The following TLE2 variants were observed in gnomAD, a reference collection of about 807,000 sequenced individuals.
TLE2 encodes TLE family member 2, transcriptional corepressor.
Under a neutral mutation model 97.2 loss-of-function variants are expected in TLE2, and 74 were observed. That is an observed-to-expected ratio of 0.76 (90% CI 0.63 to 0.92). The LOEUF is 0.92. Among genes scored for constraint, TLE2 ranks in the 40% least tolerant of loss-of-function variants. The probability of loss-of-function intolerance (pLI) is 0.00; values close to 1 mark genes in which losing one functional copy is unlikely to be tolerated. For missense variants in TLE2, 1,038 were observed against 1,008.7 expected (o/e 1.03, Z -0.39); for synonymous variants, 499 against 432.1 (o/e 1.15, Z -1.92).
At chr19:3,041,518 C>T (rs1356587894) in intron 1 of TLE2, among the ~76,000 whole-genome samples, 1 of 152,170 alleles carries the variant, frequency 6.6e-6, no homozygotes, top group Non-Finnish European at 1.5e-5. Context: ...TCAAACCCTC[C>T]TCGGCTCAAA....
In TLE2 at chr19:3,025,066, C is replaced by T. The variant is rs1212704038; in HGVS notation, c.248G>A (p.Arg83His). The T allele has an allele frequency of 2.4e-5, 38 of 1,604,918 alleles. No individual in the cohort carries two copies. The highest frequency in any genetic ancestry group is 4.0e-5 in the African/African-American group (3 of 74,746). The change falls in exon 5 of 20, where the codon CGT becomes CAT. Residue 83 changes from arginine to histidine, a missense_variant. Transcript: ENST00000262953. ...AATCTGAGCGCAGATACCGCTCAGACGCTTCACAATCTCCGCCTGGCAGGA... is the reference window on the plus strand; with the variant it reads ...AATCTGAGCGCAGATACCGCTCAGATGCTTCACAATCTCCGCCTGGCAGGA... ...EMHKQAEIVKRLSGICAQIIP... is the reference protein window; with the variant it reads ...EMHKQAEIVKHLSGICAQIIP...
At chr19:3,021,194 C>T (rs2145187281) in intron 5 of TLE2, among the ~76,000 whole-genome samples, 1 of 146,714 alleles carries the variant, frequency 6.8e-6, no homozygotes, top group South Asian at 2.2e-4. Flanking sequence ...ATCACGAGAT[C>T]AGGAGTTCGA....
chr19:3,024,509 C>T (rs537096646), intron 5 of TLE2, among the ~76,000 whole-genome samples: 7 of 151,574 alleles, frequency 4.6e-5, no homozygotes, highest in South Asian at 4.2e-4. Flanking sequence ...GTGAACCTGA[C>T]GACCCTGGGA....
chr19:3,045,820 T>A (rs1385209401), upstream of TLE2: 1 of 383,472 alleles, frequency 2.6e-6, no homozygotes, highest in Non-Finnish European at 5.4e-6. Flanking sequence ...AGAGTGAAAC[T>A]CTGTCTCAAA....
At chr19:3,000,128 G>C (rs1358652521) in intron 19 of TLE2, among the ~76,000 whole-genome samples, 1 of 151,370 alleles carries the variant, frequency 6.6e-6, no homozygotes, top group Non-Finnish European at 1.5e-5. Context: ...CTGGAGTGCA[G>C]TGGTGCGATC....
intron 1 of TLE2, among the ~76,000 whole-genome samples, chr19:3,036,216 C>T (rs1198310981): frequency 2.6e-5 from 4 of 152,142 alleles, no homozygotes; most frequent in African/African-American, 7.2e-5. Flanking sequence ...GCCTCAGTTT[C>T]CCCGAGCGTG....
upstream of TLE2, among the ~76,000 whole-genome samples, chr19:3,047,317 C>T (rs1359217775): frequency 6.9e-6 from 1 of 145,566 alleles, no homozygotes; most frequent in East Asian, 2.1e-4. Flanking sequence ...CCTCCGCCCG[C>T]CCGCCCCGGC....
chr19:3,043,276 C>T (rs930263286), intron 1 of TLE2, among the ~76,000 whole-genome samples: 4 of 151,880 alleles, frequency 2.6e-5, no homozygotes, highest in Admixed American at 6.6e-5. Flanking sequence ...CTACCATGCC[C>T]GGCCTGGCCT....
chr19:3,007,546 G>C (rs957711232), intron 14 of TLE2, among the ~76,000 whole-genome samples: 1 of 152,114 alleles, frequency 6.6e-6, no homozygotes, highest in Non-Finnish European at 1.5e-5. Context: ...CATGGTGCTC[G>C]GCCTCTGATT....
chr19:3,044,164 G>A (rs1170595446), intron 1 of TLE2, among the ~76,000 whole-genome samples: 3 of 149,666 alleles, frequency 2.0e-5, no homozygotes, highest in East Asian at 3.9e-4. Context: ...CAGAGACTCC[G>A]TCTCACCAAA....
chr19:3,016,419 C>CAAAAAAAAAAAA (rs34669546), intron 8 of TLE2, among the ~76,000 whole-genome samples: 3 of 91,506 alleles, frequency 3.3e-5, no homozygotes, highest in Non-Finnish European at 6.3e-5. Context: ...ACTAAAAATA[C>CAAAAAAAAAAAA]AAAAAAAAAA....
intron 2 of TLE2, 27 bp downstream of exon 2, chr19:3,028,679 C>G (rs1306495848): frequency 6.2e-7 from 1 of 1,611,212 alleles, no homozygotes; most frequent in African/African-American, 1.3e-5. Flanking sequence ...GGTGAACTCC[C>G]GCGGCCCCTG....
In TLE2 at chr19:3,006,328, C is replaced by G; in HGVS notation, c.1500+92G>C. The stretch of plus-strand genomic sequence containing the variant: ...AAGCCCCGCCCTTCACCTGTAGCCC[C>G]ACCCACGGCCAGCCTGCGAACACCG... On this transcript the variant is annotated intron_variant, in intron 15 of 19. Coordinates refer to ENST00000262953, the MANE Select transcript of TLE2 (RefSeq NM_003260.5). The G allele has an allele frequency of 2.0e-6, 3 of 1,515,238 alleles. No individual in the cohort carries two copies. In the East Asian group the frequency reaches 7.1e-5, roughly 36 times the overall value. The allele number at this position is 1,515,238 out of a possible 1,614,324, so 93.9% of individuals were successfully genotyped here. A position where few individuals can be genotyped will look rare whatever the true frequency, so the allele number is the denominator to read the frequency against.
At chr19:3,006,754 C>A in intron 14 of TLE2, 85 bp from the exon 15 acceptor site, 1 of 1,482,664 alleles carries the variant, frequency 6.7e-7, no homozygotes, top group East Asian at 2.3e-5. Flanking sequence ...CGCCTTTGTC[C>A]TGCCTGGCAC....
In TLE2 at chr19:3,039,225, CAAAAAAAA is replaced by C. The variant is rs1198237452; in HGVS notation, c.63+6493_63+6500del. Among the ~76,000 whole-genome samples, 32 of 103,868 alleles carry C rather than the reference CAAAAAAAA, an allele frequency of 3.1e-4. 1 individual carries two copies. The highest frequency in any genetic ancestry group is 2.0e-5 in the Non-Finnish European group (1 of 50,052). The allele number at this position is 103,868 out of a possible 152,430, so 68.1% of individuals were successfully genotyped here. ...GCAAAACTCTATCCTTTCCCCACTC[CAAAAAAAA>C]AAAAAAAAAAAGTGAATCAGAGTCC... On this transcript the variant is annotated intron_variant, in intron 1 of 18. Coordinates refer to the TLE2 transcript ENST00000426948.
chr19:3,027,889 CAAGT>C lies in TLE2; in HGVS notation c.187-20_187-17del. The stretch of plus-strand genomic sequence containing the variant: ...TCTCATAATACTGCAAAGGAAAAAC[CAAGT>C]AAGAACGTCTAGGGTGGAGATGGGT... On this transcript the variant is annotated splice_polypyrimidine_tract_variant and intron_variant, in intron 3 of 19. Transcript: ENST00000262953. 1 of 1,606,446 alleles carries C rather than the reference CAAGT, an allele frequency of 6.2e-7. No individual in the cohort carries two copies. Among genetic ancestry groups the C allele is most frequent in the East Asian group, 2.2e-5 (1 of 44,698 alleles).
chr19:3,015,652 C>T lies in TLE2; in HGVS notation c.678+1G>A. The T allele has an allele frequency of 6.2e-7, 1 of 1,605,110 alleles. No homozygotes were observed. Among genetic ancestry groups the T allele is most frequent in the Non-Finnish European group, 8.5e-7 (1 of 1,176,570 alleles). On this transcript the variant is annotated splice_donor_variant, in intron 9 of 19. Transcript: ENST00000262953. LOFTEE classifies it high-confidence loss of function. Reference sequence around the variant, plus strand: ...CCAGTCCTGCACCTGCCCCCACTCACATAAGGTCCTGATGGCTCCTTCTCA... The same window carrying T: ...CCAGTCCTGCACCTGCCCCCACTCATATAAGGTCCTGATGGCTCCTTCTCA...
At chr19:3,006,219 A>G (rs1028212021) in intron 15 of TLE2, 16 of 1,005,174 alleles carry the variant, frequency 1.6e-5, no homozygotes, top group Non-Finnish European at 2.4e-5. Flanking sequence ...TTGTCTTGCA[A>G]GTCCAATTCA....
chr19:3,043,911 G>C (rs867114674), intron 1 of TLE2, among the ~76,000 whole-genome samples: 1 of 152,122 alleles, frequency 6.6e-6, no homozygotes, highest in Non-Finnish European at 1.5e-5. Context: ...TTGAACCCAG[G>C]GGGCAGAGGT....
Sources: gnomAD v4.1 joint callset for allele counts (sites outside exome capture counted in the v4.1 genomes callset) on GRCh38, gnomAD v4.1.1 for gene constraint, MANE v1.5 for transcripts, NCBI Gene and HGNC (gene_info 2026-07-23, HGNC 2026-07-21) for gene names.